The following HIVEP1 variants were observed in gnomAD, a reference collection of about 807,000 sequenced individuals.
HIVEP1 encodes the protein zinc finger protein 40.
Under a neutral mutation model 180.0 loss-of-function variants are expected in HIVEP1, and 36 were observed. The ratio of observed to expected loss-of-function variants is 0.20; its 90% CI spans 0.15 to 0.26. The LOEUF (loss-of-function observed/expected upper bound fraction) is 0.26, where lower values mean the gene tolerates loss of function less well. HIVEP1 is among the 10% of genes least tolerant of loss of function. HIVEP1 has a pLI of 1.00. For synonymous variants in HIVEP1, 1,239 were observed against 1,239.0 expected (o/e 1.00, Z 0.00); for missense variants, 3,143 against 3,268.7 (o/e 0.96, Z 0.94).
intron 2 of HIVEP1, among the ~76,000 whole-genome samples, chr6:12,052,482 GA>G (rs1770606072): frequency 6.6e-6 from 1 of 152,214 alleles, no homozygotes; most frequent in African/African-American, 2.4e-5. Context: ...GGTCAGTTTG[GA>G]AAATTTTGTA....
intron 2 of HIVEP1, among the ~76,000 whole-genome samples, chr6:12,041,133 TAGCC>T (rs1325612257): frequency 1.3e-5 from 2 of 152,106 alleles, no homozygotes; most frequent in Non-Finnish European, 2.9e-5. Context: ...TAGAAATAAA[TAGCC>T]AGCCGGGCGC....
the HIVEP1 span, among the ~76,000 whole-genome samples, chr6:12,190,780 C>G: frequency 2.3e-4 from 35 of 152,168 alleles, no homozygotes; most frequent in African/African-American, 7.2e-4. Flanking sequence ...ATTCTCTTGT[C>G]GACACCTGTA....
chr6:12,154,687 C>T (rs1562007219), intron 7 of HIVEP1, among the ~76,000 whole-genome samples: 1 of 151,904 alleles, frequency 6.6e-6, no homozygotes, highest in Non-Finnish European at 1.5e-5. Context: ...ATACCTAATG[C>T]ATACGGGGCT....
intron 7 of HIVEP1, among the ~76,000 whole-genome samples, chr6:12,147,542 C>T (rs1168620821): frequency 3.4e-5 from 5 of 149,104 alleles, no homozygotes; most frequent in Non-Finnish European, 5.9e-5. Context: ...TTGTTTTTTG[C>T]TGTTGCTGCT....
intron 2 of HIVEP1, among the ~76,000 whole-genome samples, chr6:12,078,634 TACACAC>T (rs3070536): frequency 1.4e-5 from 2 of 146,908 alleles, no homozygotes; most frequent in East Asian, 2.0e-4. Context: ...TACATATATA[TACACAC>T]ACACACACAC....
At chr6:12,027,570 T>A (rs995970656) in intron 2 of HIVEP1, among the ~76,000 whole-genome samples, 3 of 152,226 alleles carry the variant, frequency 2.0e-5, no homozygotes, top group African/African-American at 7.2e-5. Context: ...TTAACTCAAC[T>A]TGGTAGAAAA....
chr6:12,088,555 C>G (rs528860791), intron 2 of HIVEP1, among the ~76,000 whole-genome samples: 37 of 152,236 alleles, frequency 2.4e-4, no homozygotes, highest in African/African-American at 8.7e-4. Flanking sequence ...TCCCAATTCT[C>G]TTAGTTATTG....
chr6:12,161,890 GAGA>G lies in HIVEP1; in HGVS notation c.6942_6944del (p.Arg2314del). On this transcript the variant is annotated inframe_deletion, in exon 8 of 9. Coordinates refer to ENST00000379388, the MANE Select transcript of HIVEP1 (RefSeq NM_002114.4). The stretch of plus-strand genomic sequence containing the variant: ...ACTACCCTGAGTCAGAAGAAATTCT[GAGA>G]AGTTCTATGGCAGGAAAAGCTGTTG... The G allele has an allele frequency of 6.2e-7, 1 of 1,613,470 alleles. No individual in the cohort carries two copies. Among genetic ancestry groups the G allele is most frequent in the Non-Finnish European group, 8.5e-7 (1 of 1,179,670 alleles).
chr6:12,167,900 AATAT>A (rs1241950261), downstream of HIVEP1, among the ~76,000 whole-genome samples: 2 of 141,424 alleles, frequency 1.4e-5, no homozygotes, highest in Admixed American at 7.3e-5. Flanking sequence ...GTGCGTATAT[AATAT>A]ATACACATGT....
chr6:12,207,952 A>C, the HIVEP1 span, among the ~76,000 whole-genome samples: 1 of 151,754 alleles, frequency 6.6e-6, no homozygotes, highest in African/African-American at 2.4e-5. Context: ...ATGTGGAAGA[A>C]TCAGACCTTG....
chr6:12,159,635 G>T (rs1760279697), intron 7 of HIVEP1, among the ~76,000 whole-genome samples: 1 of 152,162 alleles, frequency 6.6e-6, no homozygotes, highest in African/African-American at 2.4e-5. Flanking sequence ...TAGCTGAGGT[G>T]CAGGAGTCTG....
chr6:12,050,955 C>T (rs1561890035), intron 2 of HIVEP1, among the ~76,000 whole-genome samples: 1 of 143,564 alleles, frequency 7.0e-6, no homozygotes. Flanking sequence ...GCTTCCAGGC[C>T]TGTTCAGTGG....
intron 2 of HIVEP1, among the ~76,000 whole-genome samples, chr6:12,033,860 A>G (rs1052501396): frequency 6.6e-6 from 1 of 152,234 alleles, no homozygotes; most frequent in African/African-American, 2.4e-5. Flanking sequence ...CCTCAAGAGT[A>G]ATTCTTAAAC....
At chr6:12,170,216 C>A in the HIVEP1 span, among the ~76,000 whole-genome samples, 4 of 151,878 alleles carry the variant, frequency 2.6e-5, no homozygotes, top group Middle Eastern at 3.2e-3. Flanking sequence ...AGTAAGTAAG[C>A]AAGATGCAAG....
intron 2 of HIVEP1, among the ~76,000 whole-genome samples, chr6:12,050,981 G>A (rs1305353344): frequency 8.5e-6 from 1 of 117,376 alleles, no homozygotes; most frequent in Non-Finnish European, 1.8e-5. Context: ...GAGTGCATGT[G>A]TGTAGCAGAT....
chr6:12,107,038 A>G (rs948116947), intron 3 of HIVEP1, among the ~76,000 whole-genome samples: 1 of 152,102 alleles, frequency 6.6e-6, no homozygotes, highest in South Asian at 2.1e-4. Flanking sequence ...CATACTTTCT[A>G]TGTCCTCTTA....
chr6:12,167,719 T>TAC (rs1562023897), downstream of HIVEP1, among the ~76,000 whole-genome samples: 16 of 120,648 alleles, frequency 1.3e-4, 1 homozygote, highest in South Asian at 2.1e-3. Context: ...ATGCATAATA[T>TAC]ATATACATAT....
chr6:12,158,553 G>T lies in HIVEP1; in HGVS notation c.6488-2886G>T, dbSNP rs577433370. On this transcript the variant is annotated intron_variant, in intron 7 of 8. Coordinates refer to ENST00000379388, the MANE Select transcript of HIVEP1 (RefSeq NM_002114.4). ...TCCTTAGCTTGACATTGTGGGGCAA[G>T]GAGGAGGATGGGGTGCTGTCTCTGT... 3.3e-5 allele frequency among the ~76,000 whole-genome samples: 5 copies of T among 152,284 alleles called. No individual in the cohort carries two copies. The East Asian group carries it at 9.7e-4, about 29-fold the overall frequency.
At chr6:12,146,213 C>G (rs1349848255) in intron 7 of HIVEP1, among the ~76,000 whole-genome samples, 3 of 152,200 alleles carry the variant, frequency 2.0e-5, no homozygotes, top group Non-Finnish European at 4.4e-5. Context: ...GAGGCCAAAG[C>G]AGGCGGATCA....
Sources: allele counts gnomAD v4.1 joint callset (sites outside exome capture counted in the v4.1 genomes callset), GRCh38; gene constraint gnomAD v4.1.1; transcripts MANE v1.5; gene names NCBI Gene and HGNC (gene_info 2026-07-23, HGNC 2026-07-21).